The following LAMB4 variants were observed in gnomAD, a reference collection of about 807,000 sequenced individuals.
LAMB4 encodes the protein laminin subunit beta 4.
Under a neutral mutation model 199.2 loss-of-function variants are expected in LAMB4, and 196 were observed. The ratio of observed to expected loss-of-function variants is 0.98; its 90% CI spans 0.88 to 1.11. The LOEUF is 1.11. LAMB4 is among the 50% of genes least tolerant of loss of function. LAMB4 has a pLI of 0.00. For synonymous variants in LAMB4, 744 were observed against 770.6 expected (o/e 0.97, Z 0.57); for missense variants, 2,080 against 2,171.2 (o/e 0.96, Z 0.83).
chr7:108,118,282 A>T (rs972215269), intron 2 of LAMB4, among the ~76,000 whole-genome samples: 11 of 152,126 alleles, frequency 7.2e-5, no homozygotes, highest in Admixed American at 6.6e-4. Context: ...TAGATGTAAA[A>T]TAGCCTCTAG....
intron 32 of LAMB4, 82 bp from the exon 33 acceptor site, chr7:108,029,278 C>G: frequency 8.0e-7 from 1 of 1,242,536 alleles, no homozygotes; most frequent in Non-Finnish European, 1.1e-6. Flanking sequence ...TAATTCCATT[C>G]ATAGAAGGAA....
intron 5 of LAMB4, 40 bp from the exon 6 acceptor site, chr7:108,107,859 C>T: frequency 7.3e-7 from 1 of 1,371,872 alleles, no homozygotes; most frequent in Non-Finnish European, 1.0e-6. Flanking sequence ...TTCACAAAGG[C>T]AGATTTTATT....
downstream of LAMB4, among the ~76,000 whole-genome samples, chr7:108,022,845 C>G (rs1312998025): frequency 3.9e-5 from 6 of 152,116 alleles, no homozygotes; most frequent in African/African-American, 1.4e-4. Context: ...CAGGGTCTTG[C>G]TCTGTCACCC....
At chr7:108,070,804 C>G (rs1272154124) in intron 17 of LAMB4, among the ~76,000 whole-genome samples, 11 of 152,028 alleles carry the variant, frequency 7.2e-5, no homozygotes, top group Non-Finnish European at 1.6e-4. Context: ...TGTTGACACC[C>G]CTAACCCCCA....
intron 23 of LAMB4, among the ~76,000 whole-genome samples, chr7:108,058,902 C>G (rs912464400): frequency 8.5e-5 from 13 of 152,272 alleles, no homozygotes; most frequent in African/African-American, 2.9e-4. Context: ...AGCGACCCAC[C>G]TGCCTCAGCC....
chr7:108,043,545 G>GTGTTTTTTTTTTTTTTTTT (rs2035496985), intron 29 of LAMB4, among the ~76,000 whole-genome samples: 1 of 56,002 alleles, frequency 1.8e-5, no homozygotes, highest in African/African-American at 1.5e-4. Flanking sequence ...TGGCTATGAT[G>GTGTTTTTTTTTTTTTTTTT]TTTTTTTTTT....
intron 2 of LAMB4, among the ~76,000 whole-genome samples, chr7:108,122,912 A>G (rs2038649730): frequency 6.6e-6 from 1 of 152,260 alleles, no homozygotes; most frequent in South Asian, 2.1e-4. Context: ...ATCTGAAGAT[A>G]ACATTCCATT....
At chr7:108,072,630 C>T (rs546724988) in intron 17 of LAMB4, among the ~76,000 whole-genome samples, 1 of 152,284 alleles carries the variant, frequency 6.6e-6, no homozygotes, top group East Asian at 1.9e-4. Context: ...CCCAGGACCT[C>T]TAACCCCATG....
intron 2 of LAMB4, among the ~76,000 whole-genome samples, chr7:108,119,682 T>A (rs2038532638): frequency 6.6e-6 from 1 of 152,214 alleles, no homozygotes. Flanking sequence ...GGAACTGTTC[T>A]GTATCTTGAC....
intron 16 of LAMB4, among the ~76,000 whole-genome samples, chr7:108,077,658 C>G (rs1398416833): frequency 6.6e-6 from 1 of 152,022 alleles, no homozygotes; most frequent in Non-Finnish European, 1.5e-5. Context: ...CATGCCATTG[C>G]ACTCTAGCCT....
chr7:108,034,309 A>G lies in LAMB4; in HGVS notation c.4717T>C (p.Leu1573=), dbSNP rs1265004603. The change falls in exon 31 of 34, where the codon TTG becomes CTG. Residue 1573 remains leucine, a synonymous_variant. Coordinates refer to ENST00000388781, the MANE Select transcript of LAMB4 (RefSeq NM_007356.3). ...ANILLNLDKT[L]NQLQQAQITQ... Reference sequence around the variant, plus strand: ...ATTTGAGCTTGTTGTAACTGGTTCAATGTTTTGTCAAGATTTAATAGAATA... The same window carrying G: ...ATTTGAGCTTGTTGTAACTGGTTCAGTGTTTTGTCAAGATTTAATAGAATA... 4 of 1,612,190 alleles carry G rather than the reference A, an allele frequency of 2.5e-6. No homozygotes were observed. Among genetic ancestry groups the G allele is most frequent in the Admixed American group, 1.7e-5 (1 of 60,008 alleles).
intron 12 of LAMB4, among the ~76,000 whole-genome samples, chr7:108,094,985 G>A (rs1357153024): frequency 6.6e-6 from 1 of 152,074 alleles, no homozygotes; most frequent in African/African-American, 2.4e-5. Flanking sequence ...TAATATCTGT[G>A]CCTGGGTCGG....
chr7:108,108,332 T>C (rs539908478), intron 5 of LAMB4, among the ~76,000 whole-genome samples: 2 of 152,248 alleles, frequency 1.3e-5, no homozygotes, highest in Non-Finnish European at 2.9e-5. Flanking sequence ...ATTGTAAAAA[T>C]GTTTATGGCT....
At chr7:108,095,141 G>C in intron 12 of LAMB4, 87 bp downstream of exon 12, 1 of 902,454 alleles carries the variant, frequency 1.1e-6, no homozygotes, top group South Asian at 1.5e-5. Context: ...GGACAAGAAA[G>C]AGATTAGCAA....
intron 4 of LAMB4, among the ~76,000 whole-genome samples, chr7:108,111,399 G>T (rs527365135): frequency 6.6e-6 from 1 of 152,224 alleles, no homozygotes; most frequent in African/African-American, 2.4e-5. Context: ...TTCCCTTCAT[G>T]TGTTGAAGGA....
chr7:108,088,074 T>C (rs1314523479), intron 14 of LAMB4, among the ~76,000 whole-genome samples: 1 of 152,240 alleles, frequency 6.6e-6, no homozygotes, highest in Non-Finnish European at 1.5e-5. Flanking sequence ...TTCTGATTTC[T>C]CTTCAGTATT....
intron 15 of LAMB4, among the ~76,000 whole-genome samples, chr7:108,078,745 GGT>G (rs1332239332): frequency 2.0e-5 from 3 of 151,526 alleles, no homozygotes; most frequent in Non-Finnish European, 4.4e-5. Flanking sequence ...GCTTTTTAAA[GGT>G]GTCAGGGCCA....
At chr7:108,120,234 G>T (rs1053897977) in intron 2 of LAMB4, among the ~76,000 whole-genome samples, 3 of 151,866 alleles carry the variant, frequency 2.0e-5, no homozygotes, top group African/African-American at 4.8e-5. Flanking sequence ...ACATTTAATG[G>T]CTTTCTTTCC....
intron 1 of LAMB4, among the ~76,000 whole-genome samples, chr7:108,125,667 A>T (rs750738751): frequency 1.9e-4 from 29 of 152,226 alleles, no homozygotes; most frequent in Non-Finnish European, 1.9e-4. Context: ...ATGATGGGCT[A>T]ATCTTTTCCT....
Sources: gnomAD v4.1 joint callset for allele counts (sites outside exome capture counted in the v4.1 genomes callset) on GRCh38, gnomAD v4.1.1 for gene constraint, MANE v1.5 for transcripts, NCBI Gene and HGNC (gene_info 2026-07-23, HGNC 2026-07-21) for gene names.